CTDSPL: variants seen among roughly 807,000 people sequenced by gnomAD.
CTDSPL encodes the protein CTD small phosphatase-like protein.
Under a neutral mutation model 30.5 loss-of-function variants are expected in CTDSPL, and 8 were observed. The ratio of observed to expected loss-of-function variants is 0.26; its 90% CI spans 0.15 to 0.47. The LOEUF (loss-of-function observed/expected upper bound fraction) is 0.47, where lower values mean the gene tolerates loss of function less well. Among genes scored for constraint, CTDSPL ranks in the 20% least tolerant of loss-of-function variants. CTDSPL has a pLI of 0.99. For synonymous variants in CTDSPL, 110 were observed against 137.9 expected, an observed-to-expected ratio of 0.80 and a Z score of 1.42; for missense variants, 248 against 366.1, an observed-to-expected ratio of 0.68 and a Z score of 2.63.
intron 1 of CTDSPL, among the ~76,000 whole-genome samples, chr3:37,874,655 G>A (rs569995299): frequency 6.0e-4 from 91 of 152,200 alleles, no homozygotes; most frequent in African/African-American, 2.1e-3. Context: ...GCTTGAATCC[G>A]GAAGGCGGAG....
At chr3:37,897,515 T>A (rs374487864) in intron 1 of CTDSPL, among the ~76,000 whole-genome samples, 6 of 152,292 alleles carry the variant, frequency 3.9e-5, no homozygotes, top group African/African-American at 1.4e-4. Flanking sequence ...GAAAAGAAAA[T>A]CTCTTACTGT....
intron 1 of CTDSPL, among the ~76,000 whole-genome samples, chr3:37,926,978 G>A (rs1025006032): frequency 1.3e-5 from 2 of 152,174 alleles, no homozygotes; most frequent in Admixed American, 6.5e-5. Context: ...ATCATTGGGC[G>A]AAGTCTGGGT....
chr3:37,880,305 AC>A (rs1171264237), intron 1 of CTDSPL, among the ~76,000 whole-genome samples: 2 of 152,134 alleles, frequency 1.3e-5, no homozygotes, highest in African/African-American at 4.8e-5. Flanking sequence ...AGTCTGTCTG[AC>A]TACAATGTAA....
At chr3:37,942,957 CAAAA>C (rs1200484166) in intron 1 of CTDSPL, among the ~76,000 whole-genome samples, 1 of 150,134 alleles carries the variant, frequency 6.7e-6, no homozygotes, top group Non-Finnish European at 1.5e-5. Flanking sequence ...AGAGACAAGT[CAAAA>C]AGCAACTGTA....
intron 1 of CTDSPL, among the ~76,000 whole-genome samples, chr3:37,863,290 G>C (rs1468982377): frequency 6.6e-6 from 1 of 152,188 alleles, no homozygotes; most frequent in African/African-American, 2.4e-5. Context: ...AGCCAGCACT[G>C]TGCTTCTGTG....
intron 1 of CTDSPL, among the ~76,000 whole-genome samples, chr3:37,867,883 A>G (rs1698029547): frequency 6.6e-6 from 1 of 152,106 alleles, no homozygotes. Context: ...TAACACATTT[A>G]TGTTTGTATA....
At chr3:37,976,385 C>T (rs1185849613) in intron 7 of CTDSPL, among the ~76,000 whole-genome samples, 1 of 152,066 alleles carries the variant, frequency 6.6e-6, no homozygotes, top group African/African-American at 2.4e-5. Flanking sequence ...CACCTGTAAT[C>T]CCAACCCTTT....
chr3:37,944,988 T>C (rs1321421668), intron 1 of CTDSPL, among the ~76,000 whole-genome samples: 1 of 150,182 alleles, frequency 6.7e-6, no homozygotes. Flanking sequence ...GTTAATTAGT[T>C]AGTTAGTTAG....
In CTDSPL at chr3:37,941,661, A is replaced by T. The variant is rs539687420; in HGVS notation, c.80-5396A>T. Among the ~76,000 whole-genome samples the T allele has an allele frequency of 2.7e-5, 4 of 150,168 alleles. No homozygotes were observed. The South Asian group carries it at 8.6e-4, about 32-fold the overall frequency. Reference sequence around the variant, plus strand: ...CGCCTTGGCCTCCCCAAGTGCTGGGATACAGGAATGAGCCACCGCATTTGG... The same window carrying T: ...CGCCTTGGCCTCCCCAAGTGCTGGGTTACAGGAATGAGCCACCGCATTTGG... On this transcript the variant is annotated intron_variant, in intron 1 of 7. Coordinates refer to ENST00000273179, the MANE Select transcript of CTDSPL (RefSeq NM_001008392.2).
rs561732717 is a variant in CTDSPL, at chr3:37,920,268, G to A, written c.80-26789G>A. 4.6e-5 allele frequency among the ~76,000 whole-genome samples: 7 copies of A among 152,268 alleles called. No homozygotes were observed. In the East Asian group the frequency reaches 5.8e-4, roughly 13 times the overall value. ...GGCAGAACCAGCCTGGACTGTTGCC[G>A]GAGGTGAGATCCCCAGACCTTCCTT... On this transcript the variant is annotated intron_variant, in intron 1 of 7. Coordinates refer to ENST00000273179, the MANE Select transcript of CTDSPL (RefSeq NM_001008392.2).
chr3:37,912,854 A>G (rs1298966183), intron 1 of CTDSPL, among the ~76,000 whole-genome samples: 1 of 152,256 alleles, frequency 6.6e-6, no homozygotes, highest in African/African-American at 2.4e-5. Context: ...GTATATTGCC[A>G]GCAATGGCTT....
chr3:37,882,360 T>C (rs1238614240), intron 1 of CTDSPL, among the ~76,000 whole-genome samples: 1 of 149,934 alleles, frequency 6.7e-6, no homozygotes. Flanking sequence ...GAGAATGGCA[T>C]GAACCCAGGA....
chr3:37,929,005 A>T (rs995248962), intron 1 of CTDSPL, among the ~76,000 whole-genome samples: 41 of 152,172 alleles, frequency 2.7e-4, no homozygotes, highest in Admixed American at 6.5e-4. Flanking sequence ...TGTGGATATC[A>T]TTTTGCCAGC....
intron 2 of CTDSPL, among the ~76,000 whole-genome samples, chr3:37,949,491 C>T (rs750959958): frequency 2.6e-5 from 4 of 152,106 alleles, no homozygotes; most frequent in Non-Finnish European, 5.9e-5. Context: ...AATGATATGT[C>T]GTAAATATTG....
intron 1 of CTDSPL, among the ~76,000 whole-genome samples, chr3:37,939,471 T>C (rs1228449478): frequency 6.6e-6 from 1 of 150,500 alleles, no homozygotes; most frequent in African/African-American, 2.4e-5. Flanking sequence ...TGGCAACCTG[T>C]GTAATTTGCA....
intron 6 of CTDSPL, among the ~76,000 whole-genome samples, chr3:37,972,906 A>G (rs570341927): frequency 6.6e-6 from 1 of 152,360 alleles, no homozygotes; most frequent in African/African-American, 2.4e-5. Context: ...TCTCCAGGAC[A>G]TCACACAGTA....
chr3:37,879,247 T>C (rs1698175082), intron 1 of CTDSPL, among the ~76,000 whole-genome samples: 1 of 152,212 alleles, frequency 6.6e-6, no homozygotes, highest in African/African-American at 2.4e-5. Context: ...TTTCAAGACA[T>C]CACTTAGAAA....
chr3:37,946,647 C>T (rs1469464414), intron 1 of CTDSPL, among the ~76,000 whole-genome samples: 1 of 152,210 alleles, frequency 6.6e-6, no homozygotes, highest in Non-Finnish European at 1.5e-5. Context: ...TGGAGAGATG[C>T]TTCCCAGGGA....
intron 1 of CTDSPL, among the ~76,000 whole-genome samples, chr3:37,933,498 T>G (rs2125616200): frequency 6.6e-6 from 1 of 152,340 alleles, no homozygotes; most frequent in South Asian, 2.1e-4. Flanking sequence ...AGCTACTGTA[T>G]GCACCTTGCT....
Sources: allele counts gnomAD v4.1 joint callset (sites outside exome capture counted in the v4.1 genomes callset), GRCh38; gene constraint gnomAD v4.1.1; transcripts MANE v1.5; gene names NCBI Gene and HGNC (gene_info 2026-07-23, HGNC 2026-07-21).